RRP12: variants seen among roughly 807,000 people sequenced by gnomAD.
RRP12 encodes RRP12-like protein.
In RRP12, 78 loss-of-function variants were observed where a neutral mutation model predicts 157.3. The ratio of observed to expected loss-of-function variants is 0.50; its 90% CI spans 0.41 to 0.60. The LOEUF is 0.60. Among genes scored for constraint, RRP12 ranks in the 20% least tolerant of loss-of-function variants. The probability of loss-of-function intolerance (pLI) is 0.00; values close to 1 mark genes in which losing one functional copy is unlikely to be tolerated. For missense variants in RRP12, 1,521 were observed against 1,679.9 expected (o/e 0.91, Z 1.65); for synonymous variants, 726 against 670.9 (o/e 1.08, Z -1.27).
In RRP12 at chr10:97,393,756, G is replaced by A; in HGVS notation, c.458C>T (p.Thr153Ile). 6.2e-7 allele frequency: 1 copy of A among 1,613,820 alleles called. No individual in the cohort carries two copies. Among genetic ancestry groups the A allele is most frequent in the Non-Finnish European group, 8.5e-7 (1 of 1,179,836 alleles). ...CGGGGACTCCACTGCTTCCATTGTT[G>A]TCATCTGAGGGCCAGATTGAGGGGG... ...TETEYFAALM[T>I]TMEAVESPES... Residue 153 changes from threonine (T) to isoleucine (I), a missense_variant, in exon 4 of 34, where the codon ACA becomes ATA. Thr to Ile is a moderately conservative substitution (Grantham distance 89, BLOSUM62 -1). Transcript: ENST00000370992.
intron 2 of RRP12, among the ~76,000 whole-genome samples, chr10:97,396,576 C>A (rs1467000556): frequency 6.6e-6 from 1 of 152,032 alleles, no homozygotes; most frequent in Non-Finnish European, 1.5e-5. Flanking sequence ...TTCATGGCAG[C>A]AACAAATTGG....
Position 97,401,098 on chromosome 10 carries a change from G to A in RRP12, c.134C>T (p.Pro45Leu). Residue 45 changes from proline to leucine, a missense_variant, in exon 1 of 34, where the codon CCG (proline) becomes CTG (leucine). Transcript: ENST00000370992. ...QAARSRFFSR[P>L]SGRSDLTVDA... ...TCGGGTCTCAACCCAGCTACCTGAC[G>A]GCCGGCTGAAGAAGCGGCTGCGGGC... The A allele has an allele frequency of 6.2e-7, 1 of 1,613,346 alleles. No individual in the cohort carries two copies. The highest frequency in any genetic ancestry group is 1.1e-5 in the South Asian group (1 of 91,014).
Position 97,381,383 on chromosome 10 carries a change from C to A in RRP12, c.1418+3G>T, listed in dbSNP as rs766210157. ...CTTCCTAACATGGACCCCATATCCT[C>A]ACCTGAACATCTTGGCAACAGATTG... is the stretch of plus-strand genomic sequence containing the variant. On this transcript the variant is annotated splice_donor_region_variant and intron_variant, in intron 12 of 33. Transcript: ENST00000370992. 1.9e-6 allele frequency: 3 copies of A among 1,605,192 alleles called. No homozygotes were observed. The highest frequency in any genetic ancestry group is 2.6e-6 in the Non-Finnish European group (3 of 1,175,394).
At chr10:97,380,026 G>A (rs1377687012) in intron 13 of RRP12, among the ~76,000 whole-genome samples, 2 of 152,158 alleles carry the variant, frequency 1.3e-5, no homozygotes, top group Non-Finnish European at 1.5e-5. Flanking sequence ...ATTTATCTTC[G>A]AAAATGGGAC....
chr10:97,360,462 C>A, intron 31 of RRP12, 84 bp downstream of exon 31: 1 of 1,128,570 alleles, frequency 8.9e-7, no homozygotes. Context: ...CCCTCATGGC[C>A]CTGCCACCCC....
chr10:97,381,374 C>T lies in RRP12; in HGVS notation c.1418+12G>A. 1 of 1,591,256 alleles carries T rather than the reference C, an allele frequency of 6.3e-7. No individual in the cohort carries two copies. The highest frequency in any genetic ancestry group is 8.6e-7 in the Non-Finnish European group (1 of 1,165,428). ...CCACCATCCCTTCCTAACATGGACC[C>T]CATATCCTCACCTGAACATCTTGGC... On this transcript the variant is annotated intron_variant, in intron 12 of 33. Transcript: ENST00000370992.
In RRP12 at chr10:97,380,796, C is replaced by T. The variant is rs1296013513; in HGVS notation, c.1533+3G>A. 2 of 1,610,168 alleles carry T rather than the reference C, an allele frequency of 1.2e-6. No homozygotes were observed. Among genetic ancestry groups the T allele is most frequent in the African/African-American group, 2.7e-5 (2 of 74,868 alleles). The stretch of plus-strand genomic sequence containing the variant: ...GCCCTGGCCCCAGCCGCTCCCCACT[C>T]ACCTTCCTCATCACAGGGTGGGCCT... On this transcript the variant is annotated splice_donor_region_variant and intron_variant, in intron 13 of 33. Transcript: ENST00000370992.
At chr10:97,365,431 G>A (rs1187684798) in intron 29 of RRP12, among the ~76,000 whole-genome samples, 2 of 151,930 alleles carry the variant, frequency 1.3e-5, no homozygotes, top group Non-Finnish European at 2.9e-5. Flanking sequence ...CCGCGACCAC[G>A]CCCAGCTAAT....
At chr10:97,372,844 G>A in intron 18 of RRP12, 41 bp from the exon 19 acceptor site, 1 of 1,541,388 alleles carries the variant, frequency 6.5e-7, no homozygotes, top group South Asian at 1.2e-5. Context: ...AGTCATTGGG[G>A]AGGAGCGAAA....
intron 8 of RRP12, among the ~76,000 whole-genome samples, chr10:97,387,817 C>T (rs1462801165): frequency 6.6e-6 from 1 of 151,782 alleles, no homozygotes; most frequent in Non-Finnish European, 1.5e-5. Context: ...TGGTGCATGC[C>T]TGTAATCCCA....
chr10:97,373,456 G>T (rs544018664), intron 17 of RRP12, 119 bp downstream of exon 17: 1 of 1,202,318 alleles, frequency 8.3e-7, no homozygotes, highest in Non-Finnish European at 1.1e-6. Flanking sequence ...AGCAGCAAAG[G>T]ATGAGCTCCA....
At chr10:97,369,669 G>A in intron 24 of RRP12, 87 bp from the exon 25 acceptor site, 6 of 1,368,430 alleles carry the variant, frequency 4.4e-6, no homozygotes, top group South Asian at 1.4e-5. Flanking sequence ...CCACTCAAGT[G>A]TCAGTAAAAG....
intron 31 of RRP12, among the ~76,000 whole-genome samples, chr10:97,359,539 A>G (rs1213588166): frequency 6.6e-6 from 1 of 152,254 alleles, no homozygotes; most frequent in Non-Finnish European, 1.5e-5. Flanking sequence ...ATCCTTGCCC[A>G]AGGTCAGCTG....
intron 2 of RRP12, among the ~76,000 whole-genome samples, chr10:97,399,899 C>A (rs889041093): frequency 6.6e-6 from 1 of 152,100 alleles, no homozygotes; most frequent in African/African-American, 2.4e-5. Flanking sequence ...GCCTGGCCAA[C>A]AGAACGAGAC....
intron 31 of RRP12, 43 bp from the exon 32 acceptor site, chr10:97,359,053 C>A: frequency 1.3e-6 from 2 of 1,529,506 alleles, no homozygotes; most frequent in Non-Finnish European, 1.8e-6. Flanking sequence ...AAAGCCAGGG[C>A]AGCCCCCTCC....
chr10:97,373,180 T>C lies in RRP12; in HGVS notation c.2047A>G (p.Ser683Gly). The change falls in exon 18 of 34, where the codon AGT (serine) becomes GGT (glycine). Residue 683 changes from serine (S) to glycine (G), a missense_variant. Transcript: ENST00000370992. The part of the protein sequence containing the change: ...CQAEADRAEV[S>G]RFAKNFLPIL... The stretch of plus-strand genomic sequence containing the variant: ...GGCAGAAAGTTCTTGGCAAAGCGAC[T>C]CACTTCAGCACGGTCAGCCTCTGGT... The C allele has an allele frequency of 6.2e-7, 1 of 1,614,168 alleles. No homozygotes were observed. Among genetic ancestry groups the C allele is most frequent in the Non-Finnish European group, 8.5e-7 (1 of 1,180,030 alleles).
chr10:97,381,671 A>AG (rs767257472), intron 11 of RRP12, 44 bp downstream of exon 11: 25 of 1,529,542 alleles, frequency 1.6e-5, no homozygotes, highest in Non-Finnish European at 2.2e-5. Flanking sequence ...GGCAGCCCAT[A>AG]GAACCCCCTG....
In RRP12 at chr10:97,374,270, C is replaced by T. The variant is rs183757246; in HGVS notation, c.1799-376G>A. The stretch of plus-strand genomic sequence containing the variant: ...CTGCAGCCTTGACCTCCCAGGCTCA[C>T]GCGATCCTCCTACCTCAGCCTCCCA... On this transcript the variant is annotated intron_variant, in intron 15 of 33. Transcript: ENST00000370992. Among the ~76,000 whole-genome samples the T allele has an allele frequency of 2.6e-3, 394 of 152,202 alleles. 2 individuals are homozygous for T. The highest frequency in any genetic ancestry group is 4.6e-3 in the Non-Finnish European group (312 of 68,000).
Position 97,397,477 on chromosome 10 carries a change from A to T in RRP12, c.370-1176T>A, listed in dbSNP as rs1321859063. ...TCGCCTGGTATATTATTATTATTTTAAAAAGATTTTTCAATCCATGCTTGG... is the reference window on the plus strand; with the variant it reads ...TCGCCTGGTATATTATTATTATTTTTAAAAGATTTTTCAATCCATGCTTGG... On this transcript the variant is annotated intron_variant, in intron 2 of 33. Transcript: ENST00000370992. Among the ~76,000 whole-genome samples, 3 of 152,204 alleles carry T rather than the reference A, an allele frequency of 2.0e-5. No homozygotes were observed. In the East Asian group the frequency reaches 5.8e-4, roughly 29 times the overall value.
Sources: allele counts gnomAD v4.1 joint callset (sites outside exome capture counted in the v4.1 genomes callset), GRCh38; gene constraint gnomAD v4.1.1; transcripts MANE v1.5; gene names NCBI Gene and HGNC (gene_info 2026-07-23, HGNC 2026-07-21).